The following XYLB variants were observed in gnomAD, a reference collection of about 807,000 sequenced individuals.
XYLB encodes xylulose kinase.
A neutral mutation model predicts 78.7 loss-of-function variants in XYLB; 62 were observed. The ratio of observed to expected loss-of-function variants is 0.79; its 90% CI spans 0.64 to 0.97. The LOEUF is 0.97. XYLB is among the 50% of genes least tolerant of loss of function. The pLI, the probability that XYLB is intolerant of heterozygous loss-of-function variation, is 0.00. For missense variants in XYLB, 687 were observed against 676.8 expected (o/e 1.02, Z -0.17); for synonymous variants, 245 against 247.4 (o/e 0.99, Z 0.09).
chr3:38,422,943 A>G (rs1439993921), downstream of XYLB, among the ~76,000 whole-genome samples: 1 of 152,178 alleles, frequency 6.6e-6, no homozygotes, highest in South Asian at 2.1e-4. Flanking sequence ...CAAGTAAGCC[A>G]ATTTGGATAG....
At chr3:38,432,422 C>G in the XYLB span, among the ~76,000 whole-genome samples, 6 of 152,186 alleles carry the variant, frequency 3.9e-5, no homozygotes, top group African/African-American at 1.4e-4. Context: ...CAAAAATTAG[C>G]TGGGCATGGC....
chr3:38,363,104 TG>T (rs892244193), intron 4 of XYLB, 87 bp downstream of exon 4: 2 of 1,133,928 alleles, frequency 1.8e-6, no homozygotes, highest in Non-Finnish European at 2.4e-6. Context: ...AACCCTTGGA[TG>T]GGGAGCGGCT....
intron 15 of XYLB, among the ~76,000 whole-genome samples, chr3:38,392,832 A>G (rs75217017): frequency 6.6e-6 from 1 of 152,200 alleles, no homozygotes; most frequent in African/African-American, 2.4e-5. Flanking sequence ...GATGAAATTC[A>G]TCAATTTTTC....
chr3:38,364,509 C>T (rs2125579629), intron 4 of XYLB, among the ~76,000 whole-genome samples: 1 of 150,962 alleles, frequency 6.6e-6, no homozygotes, highest in Non-Finnish European at 1.5e-5. Flanking sequence ...TCCCCTCTCT[C>T]TTCAGCCCAT....
the XYLB span, among the ~76,000 whole-genome samples, chr3:38,436,401 A>G: frequency 6.6e-6 from 1 of 152,214 alleles, no homozygotes; most frequent in Non-Finnish European, 1.5e-5. Flanking sequence ...ACAGACCAAT[A>G]ACAAGTAACA....
chr3:38,412,818 C>T, intron 18 of XYLB, 118 bp from the exon 19 acceptor site: 1 of 824,856 alleles, frequency 1.2e-6, no homozygotes, highest in Non-Finnish European at 1.9e-6. Flanking sequence ...TTTCTTTCGC[C>T]CAGAAAAAAA....
At chr3:38,418,710 T>C (rs1708881189), downstream of XYLB, among the ~76,000 whole-genome samples, 1 of 152,248 alleles carries the variant, frequency 6.6e-6, no homozygotes, top group African/African-American at 2.4e-5. Flanking sequence ...CAAAGTTTTA[T>C]AGTTTTTAGT....
chr3:38,431,006 T>C, the XYLB span, among the ~76,000 whole-genome samples: 1 of 152,242 alleles, frequency 6.6e-6, no homozygotes, highest in African/African-American at 2.4e-5. Flanking sequence ...CCAGCTTTGT[T>C]CTTTTTGCTT....
intron 12 of XYLB, 148 bp downstream of exon 12, chr3:38,375,407 A>G: frequency 1.5e-6 from 1 of 681,230 alleles, no homozygotes; most frequent in Admixed American, 2.5e-5. Flanking sequence ...GAGACCCCCA[A>G]GGACTCACCA....
At chr3:38,428,486 T>G in the XYLB span, among the ~76,000 whole-genome samples, 2 of 152,214 alleles carry the variant, frequency 1.3e-5, no homozygotes, top group African/African-American at 4.8e-5. Context: ...TTTCTTCATA[T>G]ACTTTGAGGT....
chr3:38,410,624 C>G (rs1474975575), intron 18 of XYLB, among the ~76,000 whole-genome samples: 1 of 152,036 alleles, frequency 6.6e-6, no homozygotes, highest in East Asian at 1.9e-4. Flanking sequence ...AAAATTTTTG[C>G]AATCTACTCA....
intron 18 of XYLB, among the ~76,000 whole-genome samples, chr3:38,405,679 C>G (rs916374777): frequency 1.3e-5 from 2 of 152,230 alleles, no homozygotes; most frequent in African/African-American, 4.8e-5. Context: ...TCACTCTCAC[C>G]CTAATACTGC....
intron 15 of XYLB, among the ~76,000 whole-genome samples, chr3:38,385,264 G>T (rs942740186): frequency 2.6e-5 from 4 of 152,138 alleles, no homozygotes; most frequent in Admixed American, 6.5e-5. Flanking sequence ...CCTCCAAAGT[G>T]CTGGGATTGT....
chr3:38,360,435 TC>T (rs762995563), intron 3 of XYLB, 27 bp downstream of exon 3: 6 of 1,546,326 alleles, frequency 3.9e-6, no homozygotes, highest in Non-Finnish European at 5.2e-6. Flanking sequence ...CTATTCTCCT[TC>T]TATCCCCAGG....
intron 18 of XYLB, among the ~76,000 whole-genome samples, chr3:38,411,183 T>C (rs1708566790): frequency 6.6e-6 from 1 of 152,188 alleles, no homozygotes. Flanking sequence ...ATATACACCA[T>C]GGAATACTAT....
At chr3:38,409,425 A>G (rs1559620558) in intron 18 of XYLB, among the ~76,000 whole-genome samples, 1 of 152,072 alleles carries the variant, frequency 6.6e-6, no homozygotes, top group Non-Finnish European at 1.5e-5. Flanking sequence ...CCCACAGCCA[A>G]TATCATACTG....
intron 15 of XYLB, among the ~76,000 whole-genome samples, chr3:38,388,058 T>C (rs892846421): frequency 2.0e-5 from 3 of 152,136 alleles, no homozygotes; most frequent in Non-Finnish European, 4.4e-5. Context: ...CCTTTTACTT[T>C]TGAGATAATT....
intron 18 of XYLB, 63 bp from the exon 19 acceptor site, chr3:38,412,873 G>A: frequency 7.0e-7 from 1 of 1,428,502 alleles, no homozygotes; most frequent in East Asian, 2.4e-5. Flanking sequence ...AAATTGCAAA[G>A]TGCAACCAGA....
chr3:38,376,240 A>T lies in XYLB; in HGVS notation c.1120+8A>T, dbSNP rs752474354. 6.3e-7 allele frequency: 1 copy of T among 1,589,796 alleles called. No individual in the cohort carries two copies. The highest frequency in any genetic ancestry group is 8.6e-7 in the Non-Finnish European group (1 of 1,157,926). ...GCAACGGTGGAAACCTGGGTAGGCC[A>T]GTTGGTGGTGCCCAGGCCTGTGAAG... On this transcript the variant is annotated splice_region_variant and intron_variant, in intron 13 of 18. Coordinates refer to ENST00000207870, the MANE Select transcript of XYLB (RefSeq NM_005108.4).
Sources: allele counts gnomAD v4.1 joint callset (sites outside exome capture counted in the v4.1 genomes callset), GRCh38; gene constraint gnomAD v4.1.1; transcripts MANE v1.5; gene names NCBI Gene and HGNC (gene_info 2026-07-23, HGNC 2026-07-21).